The following CA10 variants were observed in gnomAD, a reference collection of about 807,000 sequenced individuals.
CA10 encodes carbonic anhydrase 10 (inactive), also known as carbonic anhydrase-related protein 10.
A neutral mutation model predicts 44.2 loss-of-function variants in CA10; 14 were observed. That is an observed-to-expected ratio of 0.32 (90% CI 0.21 to 0.50). The LOEUF (loss-of-function observed/expected upper bound fraction) is 0.50. Ranked by LOEUF, CA10 falls within the 20% of genes least tolerant of loss-of-function variation. The probability of loss-of-function intolerance (pLI) is 0.99; values close to 1 mark genes in which losing one functional copy is unlikely to be tolerated. For synonymous variants in CA10, 159 were observed against 141.6 expected (o/e 1.12, Z -0.87); for missense variants, 350 against 409.7 (o/e 0.85, Z 1.26).
intron 4 of CA10, among the ~76,000 whole-genome samples, chr17:51,715,930 T>C (rs1916098139): frequency 6.6e-6 from 1 of 152,194 alleles, no homozygotes; most frequent in Non-Finnish European, 1.5e-5. Context: ...CCTCAGGTGA[T>C]CCGCCCACCT....
At chr17:51,967,034 G>T (rs977794261) in intron 2 of CA10, among the ~76,000 whole-genome samples, 23 of 151,696 alleles carry the variant, frequency 1.5e-4, no homozygotes, top group African/African-American at 5.6e-4. Flanking sequence ...CCATTAAAAA[G>T]CAGGCAAAAG....
At chr17:51,750,990 G>A (rs928491151) in intron 3 of CA10, among the ~76,000 whole-genome samples, 2 of 152,180 alleles carry the variant, frequency 1.3e-5, no homozygotes, top group African/African-American at 4.8e-5. Context: ...CAGGGGCCCT[G>A]GAGTCAAAAG....
chr17:52,022,719 C>A (rs1345736066), intron 2 of CA10, among the ~76,000 whole-genome samples: 1 of 151,962 alleles, frequency 6.6e-6, no homozygotes, highest in Admixed American at 6.6e-5. Flanking sequence ...CTAAAGACTC[C>A]ATTTAAAGGC....
At chr17:51,688,005 C>T (rs1915063862) in intron 4 of CA10, among the ~76,000 whole-genome samples, 1 of 152,198 alleles carries the variant, frequency 6.6e-6, no homozygotes, top group Non-Finnish European at 1.5e-5. Flanking sequence ...TCCAGGGCCA[C>T]ATCATAAAAC....
intron 2 of CA10, among the ~76,000 whole-genome samples, chr17:52,047,805 T>C (rs1986952991): frequency 6.6e-6 from 1 of 151,994 alleles, no homozygotes; most frequent in Non-Finnish European, 1.5e-5. Context: ...ATATGGAATT[T>C]ATTTCCCTGA....
chr17:52,058,029 A>C lies in CA10; in HGVS notation c.136+14290T>G, dbSNP rs371049640. Among the ~76,000 whole-genome samples the C allele has an allele frequency of 4.3e-3, 656 of 152,262 alleles. 3 individuals are homozygous for C. The highest frequency in any genetic ancestry group is 0.015 in the African/African-American group (621 of 41,570). Reference sequence around the variant, plus strand: ...GGATTGGTACAAAAGCCTATCCAACAGGAGTACTTCATATTGGATGGCTGC... The same window carrying C: ...GGATTGGTACAAAAGCCTATCCAACCGGAGTACTTCATATTGGATGGCTGC... On this transcript the variant is annotated intron_variant, in intron 2 of 8. Transcript: ENST00000451037.
At chr17:51,787,574 T>A (rs988877340) in intron 3 of CA10, among the ~76,000 whole-genome samples, 7 of 151,974 alleles carry the variant, frequency 4.6e-5, no homozygotes, top group African/African-American at 1.7e-4. Context: ...CACTGCAACC[T>A]CCACTTCCCA....
intron 1 of CA10, among the ~76,000 whole-genome samples, chr17:52,156,969 T>C (rs1989816308): frequency 6.6e-6 from 1 of 152,066 alleles, no homozygotes. Context: ...CCTAACACAC[T>C]CAGGCACAGG....
chr17:51,986,669 A>G (rs1209463235), intron 2 of CA10, among the ~76,000 whole-genome samples: 2 of 152,068 alleles, frequency 1.3e-5, no homozygotes, highest in Non-Finnish European at 2.9e-5. Context: ...CAAGAAAAAA[A>G]CAAATAATCC....
At chr17:51,963,907 T>G (rs1315584798) in intron 2 of CA10, among the ~76,000 whole-genome samples, 2 of 152,056 alleles carry the variant, frequency 1.3e-5, no homozygotes, top group Non-Finnish European at 2.9e-5. Flanking sequence ...ATAAAAATCT[T>G]GCATATCAAT....
chr17:52,043,310 G>A (rs1986822437), intron 2 of CA10, among the ~76,000 whole-genome samples: 1 of 151,964 alleles, frequency 6.6e-6, no homozygotes. Flanking sequence ...TTATTCCTAA[G>A]TATTTTATTC....
chr17:51,772,700 A>C (rs1489326243), intron 3 of CA10, among the ~76,000 whole-genome samples: 2 of 152,036 alleles, frequency 1.3e-5, no homozygotes, highest in African/African-American at 4.8e-5. Context: ...CAGCTAACAC[A>C]GTTATGTAAC....
At chr17:52,100,327 G>A (rs1266150123) in intron 1 of CA10, among the ~76,000 whole-genome samples, 1 of 152,166 alleles carries the variant, frequency 6.6e-6, no homozygotes, top group African/African-American at 2.4e-5. Context: ...AGACAGGATA[G>A]AGATACAGAT....
intron 3 of CA10, among the ~76,000 whole-genome samples, chr17:51,901,401 G>A (rs963060789): frequency 1.3e-5 from 2 of 152,090 alleles, no homozygotes; most frequent in Non-Finnish European, 2.9e-5. Context: ...AGGGGCTGAG[G>A]TATTCCCTAG....
intron 4 of CA10, among the ~76,000 whole-genome samples, chr17:51,705,441 C>A (rs1387922175): frequency 6.6e-6 from 1 of 152,156 alleles, no homozygotes. Context: ...GGAGAAGGAA[C>A]TGGGTCTAGT....
chr17:51,733,625 G>T (rs965870572), intron 4 of CA10, among the ~76,000 whole-genome samples: 5 of 152,234 alleles, frequency 3.3e-5, no homozygotes, highest in African/African-American at 1.2e-4. Flanking sequence ...GGATGCCCCT[G>T]AGGTTTTAAA....
chr17:52,074,538 G>C (rs1250946351), intron 1 of CA10, among the ~76,000 whole-genome samples: 1 of 152,016 alleles, frequency 6.6e-6, no homozygotes, highest in Admixed American at 6.6e-5. Flanking sequence ...TTTATTCTAC[G>C]AGACAGTCAT....
At chr17:51,694,225 T>A (rs1445427463) in intron 4 of CA10, among the ~76,000 whole-genome samples, 2 of 150,816 alleles carry the variant, frequency 1.3e-5, no homozygotes, top group African/African-American at 4.9e-5. Context: ...AAAAAAGAAA[T>A]CTCCAAATTG....
intron 3 of CA10, among the ~76,000 whole-genome samples, chr17:51,800,444 C>CA (rs1037000917): frequency 2.7e-5 from 4 of 150,914 alleles, no homozygotes; most frequent in South Asian, 2.1e-4. Context: ...TGTGGATGTA[C>CA]AAAAAAAACA....
Sources: gnomAD v4.1 joint callset for allele counts (sites outside exome capture counted in the v4.1 genomes callset) on GRCh38, gnomAD v4.1.1 for gene constraint, MANE v1.5 for transcripts, NCBI Gene and HGNC (gene_info 2026-07-23, HGNC 2026-07-21) for gene names.